EFNA5: variants seen among roughly 807,000 people sequenced by gnomAD.
EFNA5 encodes ephrin-A5.
A neutral mutation model predicts 22.9 loss-of-function variants in EFNA5; 5 were observed. The ratio of observed to expected loss-of-function variants is 0.22; its 90% CI spans 0.11 to 0.46. The LOEUF (loss-of-function observed/expected upper bound fraction) is 0.46. Among genes scored for constraint, EFNA5 ranks in the 20% least tolerant of loss-of-function variants. The pLI, the probability that EFNA5 is intolerant of heterozygous loss-of-function variation, is 0.99. For missense variants in EFNA5, 237 were observed against 293.3 expected, an observed-to-expected ratio of 0.81 and a Z score of 1.40; for synonymous variants, 113 against 112.2, an observed-to-expected ratio of 1.01 and a Z score of -0.04.
At chr5:107,544,071 C>T (rs1748099734) in intron 1 of EFNA5, among the ~76,000 whole-genome samples, 2 of 152,072 alleles carry the variant, frequency 1.3e-5, no homozygotes, top group Non-Finnish European at 2.9e-5. Context: ...CTGTGGGGGT[C>T]CTGACATTTG....
intron 1 of EFNA5, among the ~76,000 whole-genome samples, chr5:107,648,793 GA>G (rs528258470): frequency 1.3e-5 from 2 of 149,736 alleles, no homozygotes; most frequent in East Asian, 2.0e-4. Flanking sequence ...AAACAAAACA[GA>G]AAAAAAAATC....
intron 1 of EFNA5, among the ~76,000 whole-genome samples, chr5:107,601,936 C>T (rs879566053): frequency 6.6e-6 from 1 of 152,182 alleles, no homozygotes; most frequent in African/African-American, 2.4e-5. Context: ...TTTTTGGAGT[C>T]TTTCACAGCT....
intron 1 of EFNA5, among the ~76,000 whole-genome samples, chr5:107,521,162 A>G (rs1156786481): frequency 1.3e-5 from 2 of 152,224 alleles, no homozygotes; most frequent in African/African-American, 4.8e-5. Context: ...GTAACCTACA[A>G]AACATCATAG....
At chr5:107,481,382 A>G (rs1328656393) in intron 1 of EFNA5, among the ~76,000 whole-genome samples, 1 of 152,230 alleles carries the variant, frequency 6.6e-6, no homozygotes, top group Non-Finnish European at 1.5e-5. Context: ...AGGAGATCAC[A>G]GCAAGTGTGC....
intron 1 of EFNA5, among the ~76,000 whole-genome samples, chr5:107,472,460 T>A (rs1294704896): frequency 6.6e-6 from 1 of 152,198 alleles, no homozygotes; most frequent in African/African-American, 2.4e-5. Flanking sequence ...CTCTGGAGAT[T>A]TCTACTCAGA....
At chr5:107,507,738 G>A (rs1215986933) in intron 1 of EFNA5, among the ~76,000 whole-genome samples, 1 of 152,166 alleles carries the variant, frequency 6.6e-6, no homozygotes, top group Non-Finnish European at 1.5e-5. Context: ...TCAGGAAGCT[G>A]AGGTGGGAGA....
intron 2 of EFNA5, among the ~76,000 whole-genome samples, chr5:107,416,565 G>A (rs149699464): frequency 6.6e-6 from 1 of 152,284 alleles, no homozygotes; most frequent in Non-Finnish European, 1.5e-5. Flanking sequence ...CTGCCACTTA[G>A]TACATGCAAT....
At chr5:107,545,384 G>A (rs886245448) in intron 1 of EFNA5, among the ~76,000 whole-genome samples, 10 of 152,302 alleles carry the variant, frequency 6.6e-5, no homozygotes, top group East Asian at 5.8e-4. Flanking sequence ...GGAATCACCC[G>A]CAGGAAAATA....
chr5:107,432,645 C>T (rs1748992916), intron 1 of EFNA5, among the ~76,000 whole-genome samples: 1 of 152,144 alleles, frequency 6.6e-6, no homozygotes, highest in Non-Finnish European at 1.5e-5. Context: ...TTGAGTCAAA[C>T]AATTACGGCC....
intron 1 of EFNA5, among the ~76,000 whole-genome samples, chr5:107,432,400 T>TAAATTTCTTGGA (rs1748987303): frequency 6.6e-6 from 1 of 152,238 alleles, no homozygotes; most frequent in East Asian, 1.9e-4. Context: ...AACATATTTG[T>TAAATTTCTTGGA]AAATTTCTTG....
At chr5:107,519,041 G>A (rs1312553520) in intron 1 of EFNA5, among the ~76,000 whole-genome samples, 1 of 152,154 alleles carries the variant, frequency 6.6e-6, no homozygotes, top group Non-Finnish European at 1.5e-5. Flanking sequence ...TCTATAATAT[G>A]TTATTACATT....
rs767896375 is a variant in EFNA5 at position 107,546,651 on chromosome 5, AACACACAC to A, written c.126-119150_126-119143del. Among the ~76,000 whole-genome samples the A allele has an allele frequency of 1.2e-4, 15 of 121,362 alleles. No individual in the cohort carries two copies. The East Asian group carries it at 3.4e-3, about 28-fold the overall frequency. The allele number at this position is 121,362 out of a possible 152,430, so 79.6% of individuals were successfully genotyped here. A position where few individuals can be genotyped will look rare whatever the true frequency, so the allele number is the denominator to read the frequency against. ...AGTTGAAGGTTTTTCTGGTGCGTAA[AACACACAC>A]ACACACACACACACACACACACACA... On this transcript the variant is annotated intron_variant, in intron 1 of 4. Transcript: ENST00000333274.
At chr5:107,433,897 T>C (rs1749038684) in intron 1 of EFNA5, among the ~76,000 whole-genome samples, 1 of 121,310 alleles carries the variant, frequency 8.2e-6, no homozygotes, top group African/African-American at 3.5e-5. Context: ...CAAGACCCTG[T>C]CTCAAAAAAA....
intron 2 of EFNA5, among the ~76,000 whole-genome samples, chr5:107,404,934 T>A (rs1246229501): frequency 6.6e-6 from 1 of 152,182 alleles, no homozygotes; most frequent in Non-Finnish European, 1.5e-5. Flanking sequence ...TCTAATCAGG[T>A]GCATGTCAAG....
chr5:107,453,656 A>T (rs1221933579), intron 1 of EFNA5, among the ~76,000 whole-genome samples: 1 of 152,194 alleles, frequency 6.6e-6, no homozygotes, highest in Non-Finnish European at 1.5e-5. Flanking sequence ...ACTTTTGAAC[A>T]TTTCTATACC....
chr5:107,555,984 T>C (rs1409771951), intron 1 of EFNA5, among the ~76,000 whole-genome samples: 1 of 152,176 alleles, frequency 6.6e-6, no homozygotes, highest in Non-Finnish European at 1.5e-5. Flanking sequence ...CACGACACAG[T>C]CTACGCTGCT....
intron 1 of EFNA5, among the ~76,000 whole-genome samples, chr5:107,586,450 C>T (rs889336016): frequency 1.3e-5 from 2 of 152,144 alleles, no homozygotes; most frequent in Admixed American, 6.5e-5. Context: ...TGAGGGAGGA[C>T]GTAGAACTAT....
At chr5:107,576,431 C>A (rs1748929848) in intron 1 of EFNA5, among the ~76,000 whole-genome samples, 1 of 152,142 alleles carries the variant, frequency 6.6e-6, no homozygotes, top group African/African-American at 2.4e-5. Flanking sequence ...CAGCCTGTTA[C>A]AGAAAGGTTA....
chr5:107,446,961 C>T (rs152592), intron 1 of EFNA5, among the ~76,000 whole-genome samples: 36,810 of 151,944 alleles, frequency 0.24, 4,753 homozygotes, highest in East Asian at 0.53. Context: ...AACTGCCTTC[C>T]CAAAAGTGAA....
Sources: allele counts gnomAD v4.1 joint callset (sites outside exome capture counted in the v4.1 genomes callset), GRCh38; gene constraint gnomAD v4.1.1; transcripts MANE v1.5; gene names NCBI Gene and HGNC (gene_info 2026-07-23, HGNC 2026-07-21).